NRG1: variants seen among roughly 807,000 people sequenced by gnomAD.
The protein encoded by NRG1 is neuregulin 1.
A neutral mutation model predicts 63.8 loss-of-function variants in NRG1; 18 were observed. The ratio of observed to expected loss-of-function variants is 0.28; its 90% CI spans 0.19 to 0.42. The LOEUF (loss-of-function observed/expected upper bound fraction) is 0.42, where lower values mean the gene tolerates loss of function less well. Among genes scored for constraint, NRG1 ranks in the 10% least tolerant of loss-of-function variants. NRG1 has a pLI of 1.00. For synonymous variants in NRG1, 302 were observed against 301.3 expected (o/e 1.00, Z -0.02); for missense variants, 762 against 814.7 (o/e 0.94, Z 0.79).
In NRG1 at chr8:32,706,953, T is replaced by C. The variant is rs548528504; in HGVS notation, c.503-20996T>C. Among the ~76,000 whole-genome samples, 5 of 152,204 alleles carry C rather than the reference T, an allele frequency of 3.3e-5. No individual in the cohort carries two copies. The East Asian group carries it at 9.6e-4, about 29-fold the overall frequency. On this transcript the variant is annotated intron_variant, in intron 5 of 11. Coordinates refer to ENST00000356819, the Ensembl canonical transcript of NRG1. ...TATTTAATTTTCAGAGTTAATATAA[T>C]TCAAATTATTTAGAAGTTTACAAGA...
chr8:31,826,204 A>G (rs1824537384), intron 1 of NRG1, among the ~76,000 whole-genome samples: 1 of 152,188 alleles, frequency 6.6e-6, no homozygotes, highest in South Asian at 2.1e-4. Context: ...ATTCTGGGAC[A>G]TCCTCCAAGA....
intron 1 of NRG1, among the ~76,000 whole-genome samples, chr8:32,109,446 C>T (rs967973130): frequency 3.9e-5 from 6 of 152,200 alleles, no homozygotes; most frequent in African/African-American, 1.4e-4. Context: ...TAAGCAAATT[C>T]AGACCCAGCA....
In NRG1 at chr8:32,742,911, C is replaced by T. The variant is rs1826689656; in HGVS notation, c.691+178C>T. The T allele has an allele frequency of 2.7e-6, 4 of 1,503,058 alleles. No homozygotes were observed. In the East Asian group the frequency reaches 9.3e-5, roughly 35 times the overall value. 93.1% of individuals were successfully genotyped at this position (1,503,058 alleles called of 1,614,324 possible). ...TTAACAAAAGCAATTGTATTACTTC[C>T]TCTGTTCGCGACTAGTTGGCTCTGA... On this transcript the variant is annotated intron_variant, in intron 7 of 11. Transcript: ENST00000356819. The surrounding 1 kb of genome is among the most constrained non-coding windows in gnomAD (Gnocchi z 4.2).
chr8:32,583,584 A>T (rs937341470), intron 1 of NRG1, among the ~76,000 whole-genome samples: 2 of 152,192 alleles, frequency 1.3e-5, no homozygotes, highest in Non-Finnish European at 1.5e-5. Context: ...ATTCATGGGG[A>T]ATTAATTAAA....
chr8:31,947,572 C>A (rs1321854446), intron 1 of NRG1, among the ~76,000 whole-genome samples: 1 of 152,032 alleles, frequency 6.6e-6, no homozygotes, highest in Non-Finnish European at 1.5e-5. Context: ...CTATTAGATC[C>A]GGTCAACATT....
intron 1 of NRG1, among the ~76,000 whole-genome samples, chr8:32,066,467 T>G (rs1255993629): frequency 1.3e-5 from 2 of 152,234 alleles, no homozygotes; most frequent in South Asian, 2.1e-4. Context: ...TTTCTTGTTT[T>G]TCTCAGGTTT....
chr8:32,145,708 A>G (rs1347575337), intron 1 of NRG1, among the ~76,000 whole-genome samples: 3 of 152,248 alleles, frequency 2.0e-5, no homozygotes, highest in Non-Finnish European at 4.4e-5. Context: ...TATGACTTTT[A>G]GATGACATTA....
At position 31,771,159 on chromosome 8, in the gene NRG1, T is replaced by C. The variant is rs189525316; in HGVS notation, c.37+131728T>C. 3.1e-3 allele frequency among the ~76,000 whole-genome samples: 469 copies of C among 152,276 alleles called. 4 individuals carry two copies. The highest frequency in any genetic ancestry group is 0.01 in the African/African-American group (427 of 41,572). ...TGCAGTCCCTTTGTAATCTTGTCCT[T>C]TCCCCAACCTAATGCCTGGCAGCCA... On this transcript the variant is annotated intron_variant, in intron 1 of 10. Transcript: ENST00000519301.
At chr8:32,577,218 A>G (rs567979950) in intron 1 of NRG1, among the ~76,000 whole-genome samples, 2 of 152,280 alleles carry the variant, frequency 1.3e-5, no homozygotes, top group East Asian at 3.9e-4. Flanking sequence ...AATGCAGTCC[A>G]CCACTGATGG....
chr8:32,697,513 ACAGTCTT>A (rs1271375530), intron 5 of NRG1, among the ~76,000 whole-genome samples: 1 of 152,200 alleles, frequency 6.6e-6, no homozygotes. Context: ...TCAAGTGTCT[ACAGTCTT>A]TCCTGGGGCT....
At chr8:31,652,954 TCTCTCCTCTCCTCTC>T (rs149262363) in intron 1 of NRG1, among the ~76,000 whole-genome samples, 1,260 of 22,388 alleles carry the variant, frequency 0.056, 55 homozygotes, top group South Asian at 0.14. Context: ...CTTCCTCTCT[TCTCTCCTCTCCTCTC>T]CTCTCCTCTC....
At chr8:31,983,239 G>A (rs1809472629) in intron 1 of NRG1, among the ~76,000 whole-genome samples, 1 of 152,036 alleles carries the variant, frequency 6.6e-6, no homozygotes, top group South Asian at 2.1e-4. Context: ...TTTCTCACAT[G>A]TGAATCTTTT....
intron 1 of NRG1, among the ~76,000 whole-genome samples, chr8:32,187,438 T>C (rs1318313480): frequency 6.6e-6 from 1 of 152,156 alleles, no homozygotes; most frequent in Non-Finnish European, 1.5e-5. Flanking sequence ...CATTTTTAAC[T>C]TCGTTAACCT....
At chr8:32,677,427 G>A (rs1034043681) in intron 5 of NRG1, among the ~76,000 whole-genome samples, 23 of 151,998 alleles carry the variant, frequency 1.5e-4, no homozygotes, top group African/African-American at 4.3e-4. Context: ...GAAGCTGAGC[G>A]GGGTGGATCA....
intron 1 of NRG1, among the ~76,000 whole-genome samples, chr8:32,572,924 A>T (rs775399773): frequency 1.3e-5 from 2 of 152,176 alleles, no homozygotes; most frequent in Non-Finnish European, 2.9e-5. Flanking sequence ...CAAATTTGCG[A>T]CATATTTATT....
chr8:32,237,160 C>A (rs1383259995), intron 1 of NRG1, among the ~76,000 whole-genome samples: 1 of 152,146 alleles, frequency 6.6e-6, no homozygotes, highest in Non-Finnish European at 1.5e-5. Flanking sequence ...GAAAGGATTT[C>A]ATTCCCTCTA....
intron 1 of NRG1, among the ~76,000 whole-genome samples, chr8:32,295,846 G>A (rs7838156): frequency 0.73 from 110,851 of 151,084 alleles, 41,726 homozygotes; most frequent in African/African-American, 0.91. Flanking sequence ...CCGAGGCAGG[G>A]GAATTGCTTG....
intron 1 of NRG1, among the ~76,000 whole-genome samples, chr8:31,688,143 G>A (rs917889257): frequency 5.3e-5 from 8 of 152,182 alleles, no homozygotes; most frequent in Admixed American, 2.0e-4. Flanking sequence ...CAGGGCAATG[G>A]TTAAATCCAT....
At chr8:32,258,158 A>T (rs1016444257) in intron 1 of NRG1, among the ~76,000 whole-genome samples, 4 of 152,142 alleles carry the variant, frequency 2.6e-5, no homozygotes, top group African/African-American at 9.7e-5. Flanking sequence ...ATGCACACTC[A>T]TCTCCTGAAG....
Sources: gnomAD v4.1 joint callset for allele counts (sites outside exome capture counted in the v4.1 genomes callset) on GRCh38, gnomAD v4.1.1 for gene constraint, Gnocchi (gnomAD v3.1) non-coding constraint, MANE v1.5 for transcripts, NCBI Gene and HGNC (gene_info 2026-07-23, HGNC 2026-07-21) for gene names.